FAM53B: variants seen among roughly 807,000 people sequenced by gnomAD.
The protein encoded by FAM53B is protein FAM53B.
In FAM53B, 12 loss-of-function variants were observed where a neutral mutation model predicts 32.7. The ratio of observed to expected loss-of-function variants is 0.37; its 90% confidence interval spans 0.24 to 0.59. The LOEUF (loss-of-function observed/expected upper bound fraction) is 0.59. Among genes scored for constraint, FAM53B ranks in the 20% least tolerant of loss-of-function variants. FAM53B has a pLI of 0.72. For missense variants in FAM53B, 477 were observed against 577.7 expected, an observed-to-expected ratio of 0.83 and a Z score of 1.79; for synonymous variants, 234 against 228.7, an observed-to-expected ratio of 1.02 and a Z score of -0.21.
intron 4 of FAM53B, among the ~76,000 whole-genome samples, chr10:124,627,244 C>T (rs1020324915): frequency 6.6e-6 from 1 of 152,190 alleles, no homozygotes; most frequent in African/African-American, 2.4e-5. Flanking sequence ...CCCATGCAGA[C>T]ACCCAGGGTG....
chr10:124,648,236 C>T (rs757854923), intron 4 of FAM53B, among the ~76,000 whole-genome samples: 4 of 152,230 alleles, frequency 2.6e-5, no homozygotes, highest in Admixed American at 6.5e-5. Flanking sequence ...GAAAACCCCA[C>T]GCTCAAGACC....
intron 3 of FAM53B, among the ~76,000 whole-genome samples, chr10:124,687,368 GAGCAACAGTC>G (rs1448329564): frequency 6.6e-6 from 1 of 152,112 alleles, no homozygotes; most frequent in African/African-American, 2.4e-5. Flanking sequence ...GGAGTCTACT[GAGCAACAGTC>G]ACTTGGTGTA....
chr10:124,643,127 G>A (rs1016873921), intron 4 of FAM53B, among the ~76,000 whole-genome samples: 3 of 152,234 alleles, frequency 2.0e-5, no homozygotes, highest in Non-Finnish European at 2.9e-5. Flanking sequence ...TTCCTAGATG[G>A]CCGACAGGAA....
chr10:124,672,768 G>A (rs554292771), intron 4 of FAM53B, among the ~76,000 whole-genome samples: 10 of 152,342 alleles, frequency 6.6e-5, no homozygotes, highest in African/African-American at 2.4e-4. Context: ...GGTAAGGAAT[G>A]GGGCCTCCCC....
At chr10:124,701,861 T>C (rs1215451766) in intron 2 of FAM53B, among the ~76,000 whole-genome samples, 1 of 152,220 alleles carries the variant, frequency 6.6e-6, no homozygotes, top group South Asian at 2.1e-4. Flanking sequence ...TTTTTCCCTT[T>C]TTCCCACATC....
intron 1 of FAM53B, among the ~76,000 whole-genome samples, chr10:124,732,556 T>C (rs1950150805): frequency 6.6e-6 from 1 of 152,164 alleles, no homozygotes; most frequent in Non-Finnish European, 1.5e-5. Context: ...ACCTCACACA[T>C]GCTTTTAAAA....
intron 1 of FAM53B, among the ~76,000 whole-genome samples, chr10:124,728,602 C>T (rs1177626259): frequency 6.6e-6 from 1 of 152,220 alleles, no homozygotes; most frequent in Non-Finnish European, 1.5e-5. Flanking sequence ...ATCACGACTA[C>T]CGCACAGAAC....
At chr10:124,726,332 C>T (rs1289615072) in intron 1 of FAM53B, among the ~76,000 whole-genome samples, 2 of 152,178 alleles carry the variant, frequency 1.3e-5, no homozygotes, top group Non-Finnish European at 2.9e-5. Context: ...AAATCTAGGT[C>T]AAGATGATCC....
chr10:124,678,075 G>T (rs544638852), intron 4 of FAM53B, among the ~76,000 whole-genome samples: 75 of 152,328 alleles, frequency 4.9e-4, no homozygotes, highest in African/African-American at 1.7e-3. Context: ...GAACAGAAAA[G>T]GGAGGATGGA....
intron 3 of FAM53B, among the ~76,000 whole-genome samples, chr10:124,686,623 C>T (rs2134071805): frequency 6.6e-6 from 1 of 152,344 alleles, no homozygotes; most frequent in East Asian, 1.9e-4. Context: ...AATTACTGAT[C>T]TGCGTACACA....
At chr10:124,711,953 C>T (rs1038295589) in intron 1 of FAM53B, among the ~76,000 whole-genome samples, 1 of 151,760 alleles carries the variant, frequency 6.6e-6, no homozygotes, top group Non-Finnish European at 1.5e-5. Context: ...GTCGCAGGTA[C>T]TCAGAAGTCT....
At chr10:124,624,357 A>T (rs1323787768) in intron 4 of FAM53B, among the ~76,000 whole-genome samples, 1 of 152,172 alleles carries the variant, frequency 6.6e-6, no homozygotes, top group African/African-American at 2.4e-5. Context: ...GGAGACACAG[A>T]GTCTCTAGAA....
At chr10:124,723,687 C>T (rs1172430443) in intron 1 of FAM53B, among the ~76,000 whole-genome samples, 1 of 152,170 alleles carries the variant, frequency 6.6e-6, no homozygotes, top group Non-Finnish European at 1.5e-5. Context: ...TGATGTGAGG[C>T]GGGCAGCACT....
intron 1 of FAM53B, among the ~76,000 whole-genome samples, chr10:124,729,152 G>T (rs536943420): frequency 6.6e-6 from 1 of 152,240 alleles, no homozygotes; most frequent in African/African-American, 2.4e-5. Context: ...ATTTGTGCCC[G>T]GGTTCTTTTG....
intron 1 of FAM53B, among the ~76,000 whole-genome samples, chr10:124,727,687 A>C (rs1950115397): frequency 6.6e-6 from 1 of 151,882 alleles, no homozygotes; most frequent in African/African-American, 2.4e-5. Context: ...GGGATCTCAA[A>C]CTCAAATGCC....
intron 4 of FAM53B, among the ~76,000 whole-genome samples, chr10:124,655,499 C>G (rs755056332): frequency 2.6e-5 from 4 of 151,962 alleles, no homozygotes; most frequent in Non-Finnish European, 5.9e-5. Context: ...CACGGGATGC[C>G]GAGGAATGAG....
chr10:124,667,228 A>G (rs1949678156), intron 4 of FAM53B: 1 of 563,498 alleles, frequency 1.8e-6, no homozygotes, highest in Non-Finnish European at 3.2e-6. Context: ...TGACATGTGG[A>G]AATGATAGTA....
At chr10:124,626,455 G>A (rs1949356553) in intron 4 of FAM53B, among the ~76,000 whole-genome samples, 1 of 149,410 alleles carries the variant, frequency 6.7e-6, no homozygotes, top group Admixed American at 6.7e-5. Context: ...AGGTCATGTA[G>A]GGGCCTTCAC....
intron 4 of FAM53B, among the ~76,000 whole-genome samples, chr10:124,629,890 C>G (rs533028745): frequency 1.3e-5 from 2 of 152,246 alleles, no homozygotes; most frequent in African/African-American, 4.8e-5. Flanking sequence ...CTGCCCCTGC[C>G]CCTGGGGCCA....
Sources: gnomAD v4.1 joint callset for allele counts (sites outside exome capture counted in the v4.1 genomes callset) on GRCh38, gnomAD v4.1.1 for gene constraint, MANE v1.5 for transcripts, NCBI Gene and HGNC (gene_info 2026-07-23, HGNC 2026-07-21) for gene names.